The following OTUD4 variants were observed in gnomAD, a reference collection of about 807,000 sequenced individuals.
OTUD4 encodes OTU domain-containing protein 4.
A neutral mutation model predicts 130.4 loss-of-function variants in OTUD4; 24 were observed. The ratio of observed to expected loss-of-function variants is 0.18; its 90% confidence interval spans 0.13 to 0.26. OTUD4 has a LOEUF of 0.26. OTUD4 is among the 10% of genes least tolerant of loss of function. OTUD4 has a pLI of 1.00. For synonymous variants in OTUD4, 420 were observed against 472.5 expected (o/e 0.89, Z 1.44); for missense variants, 1,031 against 1,329.4 (o/e 0.78, Z 3.49).
chr4:145,138,089 T>C lies in OTUD4; in HGVS notation c.2686A>G (p.Asn896Asp). ...CCACAATCTTTAGACAGATCCAGAT[T>C]TTCCAGAGACAGATCCAATTCTCCT... ...EKGELDLSLENLDLSKDCGSV... is the reference protein window; with the variant it reads ...EKGELDLSLEDLDLSKDCGSV... The change falls in exon 21 of 21, where the codon AAT becomes GAT. Residue 896 changes from asparagine (N) to aspartate (D), a missense_variant. Asn to Asp is a conservative substitution (Grantham distance 23). Around this residue, in one of 3 missense-constraint regions of OTUD4, gnomAD observed 900 missense variants for 1,095.9 expected, o/e 0.82. Transcript: ENST00000447906. The C allele has an allele frequency of 1.2e-6, 2 of 1,614,098 alleles. No individual in the cohort carries two copies. The highest frequency in any genetic ancestry group is 2.2e-5 in the East Asian group (1 of 44,866).
intron 20 of OTUD4, among the ~76,000 whole-genome samples, chr4:145,139,501 G>A (rs999128354): frequency 1.3e-5 from 2 of 152,190 alleles, no homozygotes; most frequent in Non-Finnish European, 2.9e-5. Flanking sequence ...ATAGGAGGAT[G>A]TACACGTTAT....
In OTUD4 at chr4:145,134,400, G is replaced by C. The variant is rs1337804240; in HGVS notation, c.*3030C>G. Reference sequence around the variant, plus strand: ...CTAAAAATGAAGGTAAAACGAAAGAGGCAAAAATAAATATTGCTAGTTTCT... The same window carrying C: ...CTAAAAATGAAGGTAAAACGAAAGACGCAAAAATAAATATTGCTAGTTTCT... On this transcript the variant is annotated 3_prime_UTR_variant, in exon 21 of 21. Coordinates refer to ENST00000447906, the MANE Select transcript of OTUD4 (RefSeq NM_001366057.1). 1.1e-5 allele frequency: 3 copies of C among 285,698 alleles called. No individual in the cohort carries two copies. Among genetic ancestry groups the C allele is most frequent in the African/African-American group, 6.5e-5 (3 of 46,216 alleles). 17.7% of individuals were successfully genotyped at this position (285,698 alleles called of 1,614,324 possible).
rs1013118969 is a variant in OTUD4, at chr4:145,180,140, G to A, written c.-167C>T. The A allele has an allele frequency of 1.0e-5, 3 of 286,104 alleles. No homozygotes were observed. The highest frequency in any genetic ancestry group is 6.8e-5 in the African/African-American group (3 of 44,000). The allele number at this position is 286,104 out of a possible 1,614,324, so 17.7% of individuals were successfully genotyped here. On this transcript the variant is annotated 5_prime_UTR_variant, in exon 1 of 21. Transcript: ENST00000447906. ...CCCGAGGCAGCGGTCCGCGCTCTCCGGGCGCATAGGGAAGCCCTGCCTAAT... is the reference window on the plus strand; with the variant it reads ...CCCGAGGCAGCGGTCCGCGCTCTCCAGGCGCATAGGGAAGCCCTGCCTAAT...
At chr4:145,176,676 G>C (rs1752444463) in intron 1 of OTUD4, among the ~76,000 whole-genome samples, 2 of 152,118 alleles carry the variant, frequency 1.3e-5, no homozygotes, top group South Asian at 4.1e-4. Context: ...TCCAGCCTGA[G>C]TGACAGAGTA....
At chr4:145,153,925 T>G (rs1751170089) in intron 10 of OTUD4, among the ~76,000 whole-genome samples, 1 of 152,236 alleles carries the variant, frequency 6.6e-6, no homozygotes, top group Admixed American at 6.5e-5. Flanking sequence ...TAGAGTCATC[T>G]CAGTTTCTTA....
chr4:145,148,839 A>G (rs1237749361), intron 13 of OTUD4, among the ~76,000 whole-genome samples: 4 of 152,198 alleles, frequency 2.6e-5, no homozygotes, highest in Non-Finnish European at 4.4e-5. Flanking sequence ...AAGTAAGTTA[A>G]TATCTTAGAT....
chr4:145,155,837 G>T, intron 8 of OTUD4, 99 bp downstream of exon 8: 1 of 1,064,090 alleles, frequency 9.4e-7, no homozygotes, highest in South Asian at 1.6e-5. Flanking sequence ...ATCCTGACTT[G>T]ACTGAAATGT....
intron 7 of OTUD4, among the ~76,000 whole-genome samples, chr4:145,157,114 C>T (rs1258099380): frequency 1.3e-5 from 2 of 152,022 alleles, no homozygotes; most frequent in African/African-American, 2.4e-5. Flanking sequence ...ACAAAAACTC[C>T]GCCTACATGA....
At position 145,152,595 on chromosome 4, in the gene OTUD4, A is replaced by T. The variant is rs1345775953; in HGVS notation, c.914T>A (p.Val305Asp). 2.5e-6 allele frequency: 4 copies of T among 1,612,350 alleles called. No individual in the cohort carries two copies. The South Asian group carries it at 4.4e-5, about 18-fold the overall frequency. ...TCCATTCTCAGAATGAATTCCTTGAACATCTGCATTCAAAAATTTTCCATT... is the reference window on the plus strand; with the variant it reads ...TCCATTCTCAGAATGAATTCCTTGATCATCTGCATTCAAAAATTTTCCATT... The part of the protein sequence containing the change: ...DHNGKFLNAD[V>D]QGIHSENGPV... Residue 305 changes from valine to aspartate, a missense_variant, in exon 11 of 21, where the codon GTT becomes GAT. By Grantham distance (152) the Val-to-Asp change is radical (BLOSUM62 -3). Around this residue, in one of 3 missense-constraint regions of OTUD4, gnomAD observed 900 missense variants for 1,095.9 expected, o/e 0.82. Transcript: ENST00000447906.
Position 145,137,931 on chromosome 4 carries a change from C to T in OTUD4, c.2844G>A (p.Thr948=), listed in dbSNP as rs750661173. The change falls in exon 21 of 21, where the codon ACG becomes ACA. Residue 948 remains threonine (T), a synonymous_variant. Transcript: ENST00000447906. ...EQSSQTRKAD[T]ALASIPPVAE... ...CTACAGGAGGGATGGAAGCCAATGC[C>T]GTATCTGCCTTTCGTGTCTGGGAAG... 1.2e-6 allele frequency: 2 copies of T among 1,613,980 alleles called. No homozygotes were observed. The highest frequency in any genetic ancestry group is 1.3e-5 in the African/African-American group (1 of 74,900).
At chr4:145,143,914 G>T (rs1179285341) in intron 16 of OTUD4, 32 bp downstream of exon 16, 1 of 1,551,170 alleles carries the variant, frequency 6.4e-7, no homozygotes, top group Admixed American at 1.7e-5. Flanking sequence ...TAAGGAAAAA[G>T]AAAAGATGCA....
Position 145,159,534 on chromosome 4 carries a change from C to T in OTUD4, c.598G>A (p.Glu200Lys). The T allele has an allele frequency of 6.2e-7, 1 of 1,613,580 alleles. No homozygotes were observed. Among genetic ancestry groups the T allele is most frequent in the Non-Finnish European group, 8.5e-7 (1 of 1,179,714 alleles). ...CTGTCATCCTCTGAATCTGATATTTCACTGTTATCTTCATCAGCTACTTCC... is the reference window on the plus strand; with the variant it reads ...CTGTCATCCTCTGAATCTGATATTTTACTGTTATCTTCATCAGCTACTTCC... ...TLEVADEDNS[E>K]ISDSEDDSCK... The change falls in exon 7 of 21, where the codon GAA becomes AAA. Residue 200 changes from glutamate to lysine, a missense_variant. By Grantham distance (56) the Glu-to-Lys change is moderately conservative (BLOSUM62 1). Coordinates refer to ENST00000447906, the MANE Select transcript of OTUD4 (RefSeq NM_001366057.1).
intron 10 of OTUD4, among the ~76,000 whole-genome samples, chr4:145,153,569 CTG>C (rs779889044): frequency 5.9e-4 from 90 of 152,312 alleles, no homozygotes; most frequent in Non-Finnish European, 9.3e-4. Context: ...AAATGTGCAA[CTG>C]TGATTTTTAT....
chr4:145,138,096 A>T lies in OTUD4; in HGVS notation c.2679T>A (p.Ser893=). The T allele has an allele frequency of 1.2e-6, 2 of 1,614,096 alleles. No homozygotes were observed. Among genetic ancestry groups the T allele is most frequent in the Non-Finnish European group, 1.7e-6 (2 of 1,179,946 alleles). ...CTTTAGACAGATCCAGATTTTCCAGAGACAGATCCAATTCTCCTTTTTCAT... is the reference window on the plus strand; with the variant it reads ...CTTTAGACAGATCCAGATTTTCCAGTGACAGATCCAATTCTCCTTTTTCAT... The part of the protein sequence containing the change: ...PSDEKGELDL[S]LENLDLSKDC... The change falls in exon 21 of 21, where the codon TCT becomes TCA. Residue 893 remains serine (S), a synonymous_variant. Transcript: ENST00000447906.
intron 17 of OTUD4, 68 bp downstream of exon 17, chr4:145,143,297 A>T: frequency 1.1e-6 from 1 of 919,180 alleles, no homozygotes; most frequent in Non-Finnish European, 1.7e-6. Flanking sequence ...TTTTTAAATG[A>T]CCCTATACAC....
chr4:145,160,751 T>C (rs1226503053), intron 6 of OTUD4, among the ~76,000 whole-genome samples: 1 of 152,110 alleles, frequency 6.6e-6, no homozygotes, highest in Non-Finnish European at 1.5e-5. Context: ...AGCCAGTGGT[T>C]GCAGTGAACT....
chr4:145,144,083 G>T, intron 15 of OTUD4, 82 bp from the exon 16 acceptor site: 6 of 1,199,832 alleles, frequency 5.0e-6, no homozygotes, highest in Non-Finnish European at 7.3e-6. Context: ...GAAGATAGAA[G>T]AAGCCAAAAG....
At chr4:145,147,033 G>A (rs1750858169) in intron 13 of OTUD4, among the ~76,000 whole-genome samples, 1 of 152,144 alleles carries the variant, frequency 6.6e-6, no homozygotes, top group South Asian at 2.1e-4. Context: ...GTCAAAAAAG[G>A]ATGACAAGAA....
At chr4:145,145,293 G>A (rs1431532910) in intron 14 of OTUD4, among the ~76,000 whole-genome samples, 1 of 152,092 alleles carries the variant, frequency 6.6e-6, no homozygotes, top group Non-Finnish European at 1.5e-5. Context: ...CATAAACAAT[G>A]CTTATTTATG....
Sources: gnomAD v4.1 joint callset for allele counts (sites outside exome capture counted in the v4.1 genomes callset) on GRCh38, gnomAD v4.1.1 for gene constraint, gnomAD v4.1.1 regional missense constraint, MANE v1.5 for transcripts, NCBI Gene and HGNC (gene_info 2026-07-23, HGNC 2026-07-21) for gene names.